Variants in RNASE3 observed in about 807,000 individuals in gnomAD.
The protein encoded by RNASE3 is eosinophil cationic protein.
For missense variants in RNASE3, 192 were observed against 205.3 expected (o/e 0.94, Z 0.40); for synonymous variants, 66 against 72.0 (o/e 0.92, Z 0.42).
chr14:20,891,434 C>A lies in RNASE3; in HGVS notation c.-23C>A. On this transcript the variant is annotated 5_prime_UTR_variant, in exon 1 of 2. Transcript: ENST00000304639. ...CCAGCTGGATCAGTTCTCACAGGAG[C>A]CACAGCTCAGAGACTGGGTAAGTCA... 1.8e-6 allele frequency: 1 copy of A among 543,600 alleles called. No homozygotes were observed. The highest frequency in any genetic ancestry group is 3.2e-6 in the Non-Finnish European group (1 of 309,774). 33.7% of individuals were successfully genotyped at this position (543,600 alleles called of 1,614,324 possible).
Position 20,891,835 on chromosome 14 carries a change from G to A in RNASE3, c.149G>A (p.Cys50Tyr), listed in dbSNP as rs140556531. The A allele has an allele frequency of 1.9e-6, 3 of 1,612,814 alleles. No individual in the cohort carries two copies. In the Admixed American group the frequency reaches 5.0e-5, roughly 27 times the overall value. ...CACATCAGTCTGAACCCCCCTCGAT[G>A]CACCATTGCAATGCGGGCAATTAAC... ...IQHISLNPPRCTIAMRAINNY... is the reference protein window; with the variant it reads ...IQHISLNPPRYTIAMRAINNY... Residue 50 changes from cysteine to tyrosine, a missense_variant, in exon 2 of 2, where the codon TGC (cysteine) becomes TAC (tyrosine). By Grantham distance (194) the Cys-to-Tyr change is radical. Coordinates refer to ENST00000304639, the MANE Select transcript of RNASE3 (RefSeq NM_002935.3).
rs1351490375 is a variant in RNASE3 at position 20,891,873 on chromosome 14, C to T, written c.187C>T (p.Arg63Cys). The T allele has an allele frequency of 1.9e-6, 3 of 1,612,834 alleles. No individual in the cohort carries two copies. The highest frequency in any genetic ancestry group is 1.1e-5 in the South Asian group (1 of 91,064). The change falls in exon 2 of 2, where the codon CGT becomes TGT. Residue 63 changes from arginine to cysteine, a missense_variant. By Grantham distance (180) the Arg-to-Cys change is radical (BLOSUM62 -3). Coordinates refer to ENST00000304639, the MANE Select transcript of RNASE3 (RefSeq NM_002935.3). Reference protein sequence around the residue: ...AMRAINNYRWRCKNQNTFLRT... With the variant: ...AMRAINNYRWCCKNQNTFLRT... ...GCGGGCAATTAACAATTATCGATGG[C>T]GTTGCAAAAACCAAAATACTTTTCT...
Position 20,891,943 on chromosome 14 carries a change from G to A in RNASE3, c.257G>A (p.Ser86Asn), listed in dbSNP as rs535191796. The change falls in exon 2 of 2, where the codon AGT becomes AAT. Residue 86 changes from serine (S) to asparagine (N), a missense_variant. Ser to Asn is a conservative substitution (Grantham distance 46). Coordinates refer to ENST00000304639, the MANE Select transcript of RNASE3 (RefSeq NM_002935.3). The stretch of plus-strand genomic sequence containing the variant: ...GTAGTTAATGTTTGTGGTAACCAAA[G>A]TATACGCTGCCCTCATAACAGAACT... ...ANVVNVCGNQSIRCPHNRTLN... is the reference protein window; with the variant it reads ...ANVVNVCGNQNIRCPHNRTLN... 5.5e-5 allele frequency: 88 copies of A among 1,613,026 alleles called. No individual in the cohort carries two copies. Among genetic ancestry groups the A allele is most frequent in the Middle Eastern group, 3.3e-4 (2 of 6,058 alleles).
rs376889485 is a variant in RNASE3 at position 20,891,973 on chromosome 14, A to C, written c.287A>C (p.Asn96Thr). The change falls in exon 2 of 2, where the codon AAC (asparagine) becomes ACC (threonine). Residue 96 changes from asparagine to threonine, a missense_variant. By Grantham distance (65) the Asn-to-Thr change is moderately conservative (BLOSUM62 0). Coordinates refer to ENST00000304639, the MANE Select transcript of RNASE3 (RefSeq NM_002935.3). The part of the protein sequence containing the change: ...SIRCPHNRTL[N>T]NCHRSRFRVP... ...CGCTGCCCTCATAACAGAACTCTCA[A>C]CAATTGTCATCGGAGTAGATTCCGG... The C allele has an allele frequency of 2.3e-5, 37 of 1,612,926 alleles. No individual in the cohort carries two copies. The highest frequency in any genetic ancestry group is 3.1e-5 in the Non-Finnish European group (37 of 1,180,030).
In RNASE3 at chr14:20,892,204, T is replaced by C. The variant is rs765816453; in HGVS notation, c.*35T>C. On this transcript the variant is annotated 3_prime_UTR_variant, in exon 2 of 2. Transcript: ENST00000304639. The stretch of plus-strand genomic sequence containing the variant: ...TCAGCAGTCCTCATCATCACTCATC[T>C]GCCAAGCTCCTCAATCATAGCCAAG... 3 of 1,579,228 alleles carry C rather than the reference T, an allele frequency of 1.9e-6. No homozygotes were observed. Among genetic ancestry groups the C allele is most frequent in the Non-Finnish European group, 2.6e-6 (3 of 1,164,654 alleles).
Position 20,892,283 on chromosome 14 carries a change from T to C in RNASE3, c.*114T>C. The stretch of plus-strand genomic sequence containing the variant: ...CAGCAACTGTCCTCATCAGTCTCCA[T>C]ACCCCTTCAGCTTTCCTGAGCTGAA... On this transcript the variant is annotated 3_prime_UTR_variant, in exon 2 of 2. Coordinates refer to ENST00000304639, the MANE Select transcript of RNASE3 (RefSeq NM_002935.3). 1 of 1,412,786 alleles carries C rather than the reference T, an allele frequency of 7.1e-7. No homozygotes were observed. Among genetic ancestry groups the C allele is most frequent in the Non-Finnish European group, 9.6e-7 (1 of 1,041,006 alleles). The allele number at this position is 1,412,786 out of a possible 1,614,324, so 87.5% of individuals were successfully genotyped here.
rs192990175 is a variant in RNASE3, at chr14:20,891,390, C to T, written c.-67C>T. The T allele has an allele frequency of 7.5e-5, 33 of 439,340 alleles. No individual in the cohort carries two copies. The highest frequency in any genetic ancestry group is 1.2e-3 in the Middle Eastern group (2 of 1,676). The allele number at this position is 439,340 out of a possible 1,614,324, so 27.2% of individuals were successfully genotyped here. On this transcript the variant is annotated 5_prime_UTR_variant, in exon 1 of 2. Transcript: ENST00000304639. ...AGTTCCAAGTAGGGGAGACCAGCTG[C>T]CCCTGAACCCCAGAACAACCAGCTG...
chr14:20,891,598 AG>A (rs1877557196), intron 1 of RNASE3, 83 bp from the exon 2 acceptor site: 12 of 1,506,294 alleles, frequency 8.0e-6, no homozygotes, highest in Non-Finnish European at 1.1e-5. Context: ...GTGGCAGCAG[AG>A]GGGCCTGTGG....
In RNASE3 at chr14:20,891,677, T is replaced by C. The variant is rs762853405; in HGVS notation, c.-5-5T>C. On this transcript the variant is annotated splice_polypyrimidine_tract_variant and splice_region_variant and intron_variant, in intron 1 of 1. Coordinates refer to ENST00000304639, the MANE Select transcript of RNASE3 (RefSeq NM_002935.3). ...GGAGTAGTTACTTCTCTTCTTTTCT[T>C]ACAGGAAACATGGTTCCAAAACTGT... The C allele has an allele frequency of 3.7e-6, 6 of 1,604,534 alleles. No individual in the cohort carries two copies. Among genetic ancestry groups the C allele is most frequent in the East Asian group, 4.5e-5 (2 of 44,822 alleles).
At chr14:20,891,623 A>C in intron 1 of RNASE3, 59 bp from the exon 2 acceptor site, 6 of 1,549,910 alleles carry the variant, frequency 3.9e-6, no homozygotes, top group Non-Finnish European at 4.3e-6. Flanking sequence ...GAGACACTAT[A>C]GAGTGTGTCA....
In RNASE3 at chr14:20,892,103, C is replaced by T. The variant is rs141104135; in HGVS notation, c.417C>T (p.Asp139=). ...GGAGGTTCTATGTAGTTGCATGTGACAACAGAGATCCACGGGATTCTCCAC... is the reference window on the plus strand; with the variant it reads ...GGAGGTTCTATGTAGTTGCATGTGATAACAGAGATCCACGGGATTCTCCAC... ...PGRRFYVVAC[D]NRDPRDSPRY... Residue 139 remains aspartate, a synonymous_variant, in exon 2 of 2, where the codon GAC becomes GAT. Coordinates refer to ENST00000304639, the MANE Select transcript of RNASE3 (RefSeq NM_002935.3). 2.0e-5 allele frequency: 33 copies of T among 1,612,556 alleles called. 2 individuals are homozygous for T. In the African/African-American group the frequency reaches 3.9e-4, roughly 19 times the overall value.
Position 20,891,846 on chromosome 14 carries a change from A to T in RNASE3, c.160A>T (p.Met54Leu). ...GAACCCCCCTCGATGCACCATTGCA[A>T]TGCGGGCAATTAACAATTATCGATG... ...SLNPPRCTIA[M>L]RAINNYRWRC... Residue 54 changes from methionine (M) to leucine (L), a missense_variant, in exon 2 of 2, where the codon ATG (methionine) becomes TTG (leucine). By Grantham distance (15) the Met-to-Leu change is conservative. Coordinates refer to ENST00000304639, the MANE Select transcript of RNASE3 (RefSeq NM_002935.3). 6.2e-7 allele frequency: 1 copy of T among 1,612,940 alleles called. No individual in the cohort carries two copies. The highest frequency in any genetic ancestry group is 1.1e-5 in the South Asian group (1 of 91,062).
rs1877566694 is a variant in RNASE3, at chr14:20,891,854, A to G, written c.168A>G (p.Ala56=). 6.2e-7 allele frequency: 1 copy of G among 1,612,810 alleles called. No individual in the cohort carries two copies. The highest frequency in any genetic ancestry group is 1.4e-5 in the African/African-American group (1 of 73,732). Residue 56 remains alanine, a synonymous_variant, in exon 2 of 2, where the codon GCA becomes GCG. Coordinates refer to ENST00000304639, the MANE Select transcript of RNASE3 (RefSeq NM_002935.3). Reference sequence around the variant, plus strand: ...CTCGATGCACCATTGCAATGCGGGCAATTAACAATTATCGATGGCGTTGCA... The same window carrying G: ...CTCGATGCACCATTGCAATGCGGGCGATTAACAATTATCGATGGCGTTGCA... ...NPPRCTIAMR[A]INNYRWRCKN... is the part of the protein sequence containing the mutation.
chr14:20,892,261 C>A lies in RNASE3; in HGVS notation c.*92C>A. ...TCCCTCCATGTACTCTGGGTATCAGCAACTGTCCTCATCAGTCTCCATACC... is the reference window on the plus strand; with the variant it reads ...TCCCTCCATGTACTCTGGGTATCAGAAACTGTCCTCATCAGTCTCCATACC... On this transcript the variant is annotated 3_prime_UTR_variant, in exon 2 of 2. Transcript: ENST00000304639. 6.6e-7 allele frequency: 1 copy of A among 1,506,258 alleles called. No homozygotes were observed. The highest frequency in any genetic ancestry group is 8.9e-7 in the Non-Finnish European group (1 of 1,119,390). The allele number at this position is 1,506,258 out of a possible 1,614,324, so 93.3% of individuals were successfully genotyped here. A position where few individuals can be genotyped will look rare whatever the true frequency, so the allele number is the denominator to read the frequency against.
At position 20,891,455 on chromosome 14, in the gene RNASE3, A is replaced by C. The variant is rs1877552960; in HGVS notation, c.-6+4A>C. On this transcript the variant is annotated splice_donor_region_variant and intron_variant, in intron 1 of 1. Coordinates refer to ENST00000304639, the MANE Select transcript of RNASE3 (RefSeq NM_002935.3). ...GGAGCCACAGCTCAGAGACTGGGTA[A>C]GTCAACAATCCCCAGAGCTGGGACA... The C allele has an allele frequency of 1.7e-6, 1 of 583,010 alleles. No homozygotes were observed. The highest frequency in any genetic ancestry group is 3.0e-6 in the Non-Finnish European group (1 of 336,482). The allele number at this position is 583,010 out of a possible 1,614,324, so 36.1% of individuals were successfully genotyped here.
rs756584165 is a variant in RNASE3 at position 20,891,639 on chromosome 14, G to A, written c.-5-43G>A. 6.4e-6 allele frequency: 10 copies of A among 1,570,782 alleles called. No homozygotes were observed. The Admixed American group carries it at 1.1e-4, about 17-fold the overall frequency. On this transcript the variant is annotated intron_variant, in intron 1 of 1. Coordinates refer to ENST00000304639, the MANE Select transcript of RNASE3 (RefSeq NM_002935.3). Reference sequence around the variant, plus strand: ...AGACACTATAGAGTGTGTCATAACCGAGACCGGATCGGGGAGTAGTTACTT... The same window carrying A: ...AGACACTATAGAGTGTGTCATAACCAAGACCGGATCGGGGAGTAGTTACTT...
rs191323095 is a variant in RNASE3 at position 20,891,667 on chromosome 14, C to G, written c.-5-15C>G. The stretch of plus-strand genomic sequence containing the variant: ...ACCGGATCGGGGAGTAGTTACTTCT[C>G]TTCTTTTCTTACAGGAAACATGGTT... On this transcript the variant is annotated splice_polypyrimidine_tract_variant and intron_variant, in intron 1 of 1. Coordinates refer to ENST00000304639, the MANE Select transcript of RNASE3 (RefSeq NM_002935.3). 1 of 1,601,502 alleles carries G rather than the reference C, an allele frequency of 6.2e-7. No homozygotes were observed. The highest frequency in any genetic ancestry group is 2.2e-5 in the East Asian group (1 of 44,806).
chr14:20,892,238 C>T lies in RNASE3; in HGVS notation c.*69C>T, dbSNP rs924513394. 9.7e-6 allele frequency: 15 copies of T among 1,545,554 alleles called. No individual in the cohort carries two copies. Among genetic ancestry groups the T allele is most frequent in the South Asian group, 1.3e-5 (1 of 78,576 alleles). On this transcript the variant is annotated 3_prime_UTR_variant, in exon 2 of 2. Coordinates refer to ENST00000304639, the MANE Select transcript of RNASE3 (RefSeq NM_002935.3). ...CCTCAATCATAGCCAAGATCCCATC[C>T]CTCCATGTACTCTGGGTATCAGCAA...
In RNASE3 at chr14:20,891,874, G is replaced by A. The variant is rs758816325; in HGVS notation, c.188G>A (p.Arg63His). The A allele has an allele frequency of 1.7e-5, 28 of 1,612,744 alleles. No homozygotes were observed. Among genetic ancestry groups the A allele is most frequent in the East Asian group, 1.3e-4 (6 of 44,904 alleles). Residue 63 changes from arginine to histidine, a missense_variant, in exon 2 of 2, where the codon CGT becomes CAT. Coordinates refer to ENST00000304639, the MANE Select transcript of RNASE3 (RefSeq NM_002935.3). ...CGGGCAATTAACAATTATCGATGGC[G>A]TTGCAAAAACCAAAATACTTTTCTT... is the stretch of plus-strand genomic sequence containing the variant. ...AMRAINNYRW[R>H]CKNQNTFLRT...
Sources: allele counts gnomAD v4.1 joint callset, GRCh38; gene constraint gnomAD v4.1.1; transcripts MANE v1.5; gene names NCBI Gene and HGNC (gene_info 2026-07-23, HGNC 2026-07-21).